Variants in IFT43 observed in about 807,000 individuals in gnomAD.
The protein encoded by IFT43 is intraflagellar transport 43, also known as intraflagellar transport protein 43 homolog.
A neutral mutation model predicts 32.3 loss-of-function variants in IFT43; 33 were observed. That is an observed-to-expected ratio of 1.02 (90% confidence interval 0.77 to 1.37). The LOEUF (loss-of-function observed/expected upper bound fraction) is 1.37. Ranked by LOEUF, IFT43 falls within the 40% of genes most tolerant of loss-of-function variation. The pLI, the probability that IFT43 is intolerant of heterozygous loss-of-function variation, is 0.00. For synonymous variants in IFT43, 93 were observed against 98.2 expected, an observed-to-expected ratio of 0.95 and a Z score of 0.31; for missense variants, 274 against 265.9, an observed-to-expected ratio of 1.03 and a Z score of -0.21.
chr14:76,057,405 ATGTT>A (rs1288582241), intron 3 of IFT43, among the ~76,000 whole-genome samples: 1 of 151,842 alleles, frequency 6.6e-6, no homozygotes, highest in African/African-American at 2.4e-5. Flanking sequence ...TAATTTTTGT[ATGTT>A]TAGTAGAGAT....
intron 3 of IFT43, among the ~76,000 whole-genome samples, chr14:76,043,197 C>A (rs1320001978): frequency 6.6e-6 from 1 of 152,220 alleles, no homozygotes; most frequent in East Asian, 1.9e-4. Context: ...TGAAACGAGT[C>A]CTTTTAGTTT....
At chr14:75,993,817 G>A (rs74066693) in intron 2 of IFT43, among the ~76,000 whole-genome samples, 2,800 of 152,304 alleles carry the variant, frequency 0.018, 85 homozygotes, top group African/African-American at 0.064. Flanking sequence ...GGTGGGAAGA[G>A]AGGGAATTGT....
At chr14:76,055,772 A>G (rs1046971458) in intron 3 of IFT43, among the ~76,000 whole-genome samples, 13 of 152,232 alleles carry the variant, frequency 8.5e-5, no homozygotes, top group Admixed American at 5.9e-4. Flanking sequence ...TCTATAAAGA[A>G]ATATACTCTG....
chr14:76,035,519 T>G (rs1445515210), intron 3 of IFT43, among the ~76,000 whole-genome samples: 1 of 152,206 alleles, frequency 6.6e-6, no homozygotes, highest in Non-Finnish European at 1.5e-5. Context: ...GTCCTCTCCC[T>G]TTATGTCATT....
chr14:76,014,078 G>A (rs558274080), intron 2 of IFT43: 14 of 273,198 alleles, frequency 5.1e-5, no homozygotes, highest in African/African-American at 3.0e-4. Context: ...TCTAAGGACT[G>A]TAAAAAATTC....
chr14:75,992,400 G>T (rs1441347345), intron 2 of IFT43, among the ~76,000 whole-genome samples: 5 of 152,150 alleles, frequency 3.3e-5, no homozygotes, highest in Admixed American at 3.3e-4. Context: ...AGGCATATTG[G>T]GACAGCACTT....
intron 3 of IFT43, among the ~76,000 whole-genome samples, chr14:76,026,707 A>C (rs1326264210): frequency 6.6e-6 from 1 of 152,226 alleles, no homozygotes; most frequent in Non-Finnish European, 1.5e-5. Flanking sequence ...CAGAAATACC[A>C]TTTCACCCAG....
intron 2 of IFT43, among the ~76,000 whole-genome samples, chr14:76,009,051 G>A (rs1250029637): frequency 6.6e-6 from 1 of 152,168 alleles, no homozygotes; most frequent in African/African-American, 2.4e-5. Flanking sequence ...CCCTTGCCGG[G>A]TCTTATATTT....
At position 76,083,623 on chromosome 14, in the gene IFT43, A is replaced by G; in HGVS notation, c.*46A>G. 5 of 1,596,700 alleles carry G rather than the reference A, an allele frequency of 3.1e-6. No homozygotes were observed. The highest frequency in any genetic ancestry group is 4.3e-6 in the Non-Finnish European group (5 of 1,167,126). The stretch of plus-strand genomic sequence containing the variant: ...ACATGAAGAAATGCAATGAGCTTAA[A>G]GCTAAAGAAGCTTGTAAGCAGCTCC... On this transcript the variant is annotated 3_prime_UTR_variant, in exon 9 of 9. Coordinates refer to ENST00000314067, the MANE Select transcript of IFT43 (RefSeq NM_001102564.3).
Position 76,009,828 on chromosome 14 carries a change from TG to T in IFT43, c.148-12498del, listed in dbSNP as rs1416933867. 2.6e-4 allele frequency among the ~76,000 whole-genome samples: 39 copies of T among 151,094 alleles called. 1 individual carries two copies. Among genetic ancestry groups the T allele is most frequent in the Admixed American group, 2.6e-3 (39 of 15,232 alleles). On this transcript the variant is annotated intron_variant, in intron 2 of 8. Transcript: ENST00000314067. ...TTTTTTTTTTGAGACAGAGTCTTGC[TG>T]TGTCACCCAGGCTGGAGTGCAGTGA...
intron 2 of IFT43, among the ~76,000 whole-genome samples, chr14:75,997,854 C>T (rs1316134353): frequency 4.6e-5 from 7 of 152,152 alleles, no homozygotes; most frequent in South Asian, 4.1e-4. Flanking sequence ...TCTTATATTC[C>T]CACTGTCCTG....
At position 76,048,830 on chromosome 14, in the gene IFT43, C is replaced by T. The variant is rs548666223; in HGVS notation, c.216-9812C>T. On this transcript the variant is annotated intron_variant, in intron 3 of 8. Transcript: ENST00000314067. The stretch of plus-strand genomic sequence containing the variant: ...TTACCAGGGATTCACCAGGGTGGGC[C>T]CTGAGCCTCCCAGGAGGCTGCCACA... Among the ~76,000 whole-genome samples the T allele has an allele frequency of 5.3e-5, 8 of 152,256 alleles. No individual in the cohort carries two copies. The East Asian group carries it at 1.2e-3, about 22-fold the overall frequency.
chr14:76,036,180 T>C (rs1425799902), intron 3 of IFT43, among the ~76,000 whole-genome samples: 1 of 152,180 alleles, frequency 6.6e-6, no homozygotes, highest in African/African-American at 2.4e-5. Context: ...TTAGGATGCA[T>C]ATCAAAATTA....
At chr14:75,995,134 T>C (rs559635608) in intron 2 of IFT43, among the ~76,000 whole-genome samples, 2 of 152,348 alleles carry the variant, frequency 1.3e-5, no homozygotes, top group Admixed American at 6.5e-5. Context: ...GGTACTCTTA[T>C]CATCATGTTG....
At chr14:76,067,183 T>C (rs1486312933) in intron 5 of IFT43, among the ~76,000 whole-genome samples, 2 of 152,242 alleles carry the variant, frequency 1.3e-5, no homozygotes, top group African/African-American at 4.8e-5. Context: ...AGATGCATGC[T>C]CTCTTCCAGA....
intron 3 of IFT43, among the ~76,000 whole-genome samples, chr14:76,026,115 TA>T (rs1251911360): frequency 5.3e-5 from 8 of 151,880 alleles, no homozygotes; most frequent in African/African-American, 1.9e-4. Flanking sequence ...AAAATCCCAC[TA>T]AAAAATGGGC....
At chr14:76,007,109 C>G (rs1158183319) in intron 2 of IFT43, among the ~76,000 whole-genome samples, 3 of 152,156 alleles carry the variant, frequency 2.0e-5, no homozygotes, top group African/African-American at 7.2e-5. Flanking sequence ...TCCTCCTGCT[C>G]TGGCCTTCCA....
chr14:76,029,185 A>G (rs2036461312), intron 3 of IFT43, among the ~76,000 whole-genome samples: 1 of 152,150 alleles, frequency 6.6e-6, no homozygotes, highest in South Asian at 2.1e-4. Context: ...ATGGTATCTC[A>G]TTGTGGCTTC....
chr14:76,033,891 A>G (rs1342153802), intron 3 of IFT43, among the ~76,000 whole-genome samples: 1 of 152,240 alleles, frequency 6.6e-6, no homozygotes, highest in Non-Finnish European at 1.5e-5. Flanking sequence ...ATGGGATATC[A>G]GAAGAGAGAG....
Sources: allele counts gnomAD v4.1 joint callset (sites outside exome capture counted in the v4.1 genomes callset), GRCh38; gene constraint gnomAD v4.1.1; transcripts MANE v1.5; gene names NCBI Gene and HGNC (gene_info 2026-07-23, HGNC 2026-07-21).